DPYSL2: variants seen among roughly 807,000 people sequenced by gnomAD.
DPYSL2 encodes the protein dihydropyrimidinase-related protein 2.
In DPYSL2, 13 loss-of-function variants were observed where a neutral mutation model predicts 69.9. The observed-to-expected ratio is 0.19, with a 90% CI of 0.12 to 0.30. The LOEUF (loss-of-function observed/expected upper bound fraction) is 0.30. Ranked by LOEUF, DPYSL2 falls within the 10% of genes least tolerant of loss-of-function variation. The pLI is 1.00. For synonymous variants in DPYSL2, 326 were observed against 359.1 expected (o/e 0.91, Z 1.04); for missense variants, 587 against 918.9 (o/e 0.64, Z 4.67).
Position 26,657,862 on chromosome 8 carries a change from A to G in DPYSL2, c.*2156A>G, listed in dbSNP as rs370314170. 8 of 152,762 alleles carry G rather than the reference A, an allele frequency of 5.2e-5. No homozygotes were observed. Among genetic ancestry groups the G allele is most frequent in the South Asian group, 4.1e-4 (2 of 4,820 alleles). 9.5% of individuals were successfully genotyped at this position (152,762 alleles called of 1,614,324 possible). On this transcript the variant is annotated 3_prime_UTR_variant, in exon 14 of 14. Coordinates refer to ENST00000521913, the MANE Select transcript of DPYSL2 (RefSeq NM_001197293.3). The stretch of plus-strand genomic sequence containing the variant: ...TTTGTGTGTCTGTTAAATGAATGTC[A>G]TATGTAAATGCTAAAATAAATCGAC...
chr8:26,631,715 G>C (rs544890551), intron 7 of DPYSL2, among the ~76,000 whole-genome samples: 1 of 152,214 alleles, frequency 6.6e-6, no homozygotes, highest in East Asian at 1.9e-4. Flanking sequence ...GGCCCCTCTT[G>C]TATGCCAGGC....
intron 1 of DPYSL2, among the ~76,000 whole-genome samples, chr8:26,547,031 C>G (rs367627100): frequency 6.6e-5 from 10 of 150,956 alleles, no homozygotes; most frequent in African/African-American, 2.4e-4. Flanking sequence ...CAAGACACTT[C>G]ACCTGCAATT....
intron 1 of DPYSL2, among the ~76,000 whole-genome samples, chr8:26,539,399 T>C (rs928474830): frequency 2.6e-5 from 4 of 152,254 alleles, no homozygotes; most frequent in African/African-American, 4.8e-5. Flanking sequence ...GGTGTTACTG[T>C]AGCCCTCTAC....
rs1260893105 is a variant in DPYSL2, at chr8:26,621,630, A to C, written c.629-2513A>C. ...GTGAAATGGATTCAGAAACGATGCC[A>C]CCCTGGGATGGTGACATATAGCCCC... On this transcript the variant is annotated intron_variant, in intron 3 of 13. Transcript: ENST00000521913. The surrounding 1 kb of genome is among the most constrained non-coding windows in gnomAD (Gnocchi z 4.9). 6.6e-6 allele frequency among the ~76,000 whole-genome samples: 1 copy of C among 152,152 alleles called. No homozygotes were observed. The highest frequency in any genetic ancestry group is 1.5e-5 in the Non-Finnish European group (1 of 68,010).
intron 8 of DPYSL2, among the ~76,000 whole-genome samples, chr8:26,636,134 C>T (rs1802909871): frequency 6.6e-6 from 1 of 152,222 alleles, no homozygotes; most frequent in Non-Finnish European, 1.5e-5. Context: ...TCTGTCTTCT[C>T]CTGGCACCTT....
intron 1 of DPYSL2, among the ~76,000 whole-genome samples, chr8:26,520,998 C>T (rs1808375457): frequency 6.6e-6 from 1 of 152,108 alleles, no homozygotes; most frequent in Non-Finnish European, 1.5e-5. Context: ...CCTGTTAATA[C>T]CATTCCACTA....
chr8:26,563,128 T>A (rs1363657780), intron 1 of DPYSL2, among the ~76,000 whole-genome samples: 1 of 152,266 alleles, frequency 6.6e-6, no homozygotes, highest in South Asian at 2.1e-4. Context: ...AGGGAGGGCA[T>A]GTAGACCCCA....
intron 1 of DPYSL2, among the ~76,000 whole-genome samples, chr8:26,548,904 A>G (rs1403141296): frequency 6.6e-6 from 1 of 151,892 alleles, no homozygotes; most frequent in Non-Finnish European, 1.5e-5. Flanking sequence ...CAAATAAAAA[A>G]TAGGCCGGGC....
intron 1 of DPYSL2, among the ~76,000 whole-genome samples, chr8:26,566,851 C>T (rs944824516): frequency 6.6e-6 from 1 of 152,092 alleles, no homozygotes; most frequent in African/African-American, 2.4e-5. Context: ...TGTGCACCCG[C>T]CTACCCACCC....
chr8:26,572,375 T>C (rs1449648576), intron 1 of DPYSL2, among the ~76,000 whole-genome samples: 2 of 152,126 alleles, frequency 1.3e-5, no homozygotes, highest in Non-Finnish European at 2.9e-5. Context: ...TCCCTGCAGT[T>C]TGGATGATGC....
At position 26,647,388 on chromosome 8, in the gene DPYSL2, C is replaced by A. The variant is rs1330123270; in HGVS notation, c.1426-242C>A. ...GCTCCTCCCCTCCACCCTCCCTAACCCTGGAAGAACCCATCTAGCCCCTCA... is the reference window on the plus strand; with the variant it reads ...GCTCCTCCCCTCCACCCTCCCTAACACTGGAAGAACCCATCTAGCCCCTCA... On this transcript the variant is annotated intron_variant, in intron 10 of 13. Transcript: ENST00000521913. The surrounding 1 kb of genome is among the most constrained non-coding windows in gnomAD (Gnocchi z 5.1). 1.3e-5 allele frequency among the ~76,000 whole-genome samples: 2 copies of A among 152,124 alleles called. No homozygotes were observed. Among genetic ancestry groups the A allele is most frequent in the African/African-American group, 4.8e-5 (2 of 41,412 alleles).
At chr8:26,634,449 T>C (rs988500630) in intron 7 of DPYSL2, among the ~76,000 whole-genome samples, 1 of 145,996 alleles carries the variant, frequency 6.8e-6, no homozygotes, top group Non-Finnish European at 1.5e-5. Flanking sequence ...TTTTTTTTTT[T>C]AATTGTATTT....
At position 26,562,947 on chromosome 8, in the gene DPYSL2, T is replaced by C. The variant is rs1054071107; in HGVS notation, c.355-19022T>C. Among the ~76,000 whole-genome samples, 11 of 152,150 alleles carry C rather than the reference T, an allele frequency of 7.2e-5. No homozygotes were observed. The highest frequency in any genetic ancestry group is 2.7e-4 in the African/African-American group (11 of 41,430). On this transcript the variant is annotated intron_variant, in intron 1 of 13. Coordinates refer to ENST00000521913, the MANE Select transcript of DPYSL2 (RefSeq NM_001197293.3). This position sits in a 1 kb window ranked among gnomAD's most constrained non-coding sequence, Gnocchi z 4.9. ...TGGGGGGACTCTGCTGGAATTCCTA[T>C]ATTGGTCTCTACATGGCTTCAGCTT... is the stretch of plus-strand genomic sequence containing the variant.
At chr8:26,623,942 C>G in intron 3 of DPYSL2, 1 of 586,354 alleles carries the variant, frequency 1.7e-6, no homozygotes, top group Non-Finnish European at 3.0e-6. Flanking sequence ...GAGACATCAT[C>G]CAATGCCAAG....
rs1332954085 is a variant in DPYSL2, at chr8:26,587,018, T to A, written c.628+3035T>A. ...TATGTTTACTGACCTCTGTAGAATTTCTACTAGCCTGCCTTTCCCCGGGGG... is the reference window on the plus strand; with the variant it reads ...TATGTTTACTGACCTCTGTAGAATTACTACTAGCCTGCCTTTCCCCGGGGG... On this transcript the variant is annotated intron_variant, in intron 3 of 13. Transcript: ENST00000521913. The surrounding 1 kb of genome is among the most constrained non-coding windows in gnomAD (Gnocchi z 4.2). 2.0e-5 allele frequency among the ~76,000 whole-genome samples: 3 copies of A among 152,232 alleles called. No homozygotes were observed. In the East Asian group the frequency reaches 5.8e-4, roughly 29 times the overall value.
At position 26,517,952 on chromosome 8, in the gene DPYSL2, C is replaced by T. The variant is rs960779234; in HGVS notation, c.354+3273C>T. 6.6e-6 allele frequency among the ~76,000 whole-genome samples: 1 copy of T among 152,208 alleles called. No homozygotes were observed. Among genetic ancestry groups the T allele is most frequent in the South Asian group, 2.1e-4 (1 of 4,830 alleles). The stretch of plus-strand genomic sequence containing the variant: ...GCCCTCTAACTGTACAACGTCATCC[C>T]TACTCCATCCCCATAGCATGCCCCT... On this transcript the variant is annotated intron_variant, in intron 1 of 13. Transcript: ENST00000521913. The surrounding 1 kb of genome is among the most constrained non-coding windows in gnomAD (Gnocchi z 4.2).
chr8:26,556,518 AG>A (rs1800990878), intron 1 of DPYSL2, among the ~76,000 whole-genome samples: 1 of 148,664 alleles, frequency 6.7e-6, no homozygotes, highest in Non-Finnish European at 1.5e-5. Context: ...ATTATACAAA[AG>A]TCAGCTGCTT....
At chr8:26,548,968 C>T (rs1800828236) in intron 1 of DPYSL2, among the ~76,000 whole-genome samples, 1 of 152,116 alleles carries the variant, frequency 6.6e-6, no homozygotes, top group Non-Finnish European at 1.5e-5. Flanking sequence ...GCGGGCAGAT[C>T]ATTTGAGATC....
intron 1 of DPYSL2, among the ~76,000 whole-genome samples, chr8:26,563,720 CT>C (rs1801108278): frequency 6.6e-6 from 1 of 152,206 alleles, no homozygotes; most frequent in African/African-American, 2.4e-5. Flanking sequence ...GTATTTGTTT[CT>C]TTCCCCATTA....
Sources: allele counts gnomAD v4.1 joint callset (sites outside exome capture counted in the v4.1 genomes callset), GRCh38; gene constraint gnomAD v4.1.1; non-coding constraint Gnocchi (gnomAD v3.1); transcripts MANE v1.5; gene names NCBI Gene and HGNC (gene_info 2026-07-23, HGNC 2026-07-21).